Variants in DCLK1 observed in about 807,000 individuals in gnomAD.
DCLK1 encodes the protein serine/threonine-protein kinase DCLK1.
DCLK1 carries 16 observed loss-of-function variants against 86.2 expected under a neutral mutation model. The ratio of observed to expected loss-of-function variants is 0.19; its 90% CI spans 0.13 to 0.28. DCLK1 has a LOEUF of 0.28. Ranked by LOEUF, DCLK1 falls within the 10% of genes least tolerant of loss-of-function variation. DCLK1 has a pLI of 1.00. For synonymous variants in DCLK1, 369 were observed against 370.5 expected (o/e 1.00, Z 0.05); for missense variants, 590 against 940.2 (o/e 0.63, Z 4.87).
At position 35,871,462 on chromosome 13, in the gene DCLK1, C is replaced by T. The variant is rs1222197557; in HGVS notation, c.824-122G>A. ...CATCCTCAGTCACATCTACTTCCCA[C>T]CAGCTGGGTTCTTGTCTATGTCAAT... On this transcript the variant is annotated intron_variant, in intron 4 of 16. Coordinates refer to ENST00000360631, the MANE Select transcript of DCLK1 (RefSeq NM_001330071.2). 38 of 802,854 alleles carry T rather than the reference C, an allele frequency of 4.7e-5. No homozygotes were observed. In the Middle Eastern group the frequency reaches 9.5e-4, roughly 20 times the overall value. 49.7% of individuals were successfully genotyped at this position (802,854 alleles called of 1,614,324 possible). A position where few individuals can be genotyped will look rare whatever the true frequency, so the allele number is the denominator to read the frequency against.
chr13:35,860,507 C>A (rs1248597472), intron 5 of DCLK1, among the ~76,000 whole-genome samples: 1 of 151,974 alleles, frequency 6.6e-6, no homozygotes, highest in Admixed American at 6.6e-5. Flanking sequence ...TTCAAAGAAA[C>A]CATCTACTGA....
intron 12 of DCLK1, among the ~76,000 whole-genome samples, chr13:35,809,830 G>T (rs1024129246): frequency 6.6e-6 from 1 of 152,086 alleles, no homozygotes; most frequent in Non-Finnish European, 1.5e-5. Flanking sequence ...TTTCCCTATT[G>T]GGATTCCCTT....
chr13:35,915,882 T>A (rs1190345790), intron 4 of DCLK1, among the ~76,000 whole-genome samples: 1 of 152,206 alleles, frequency 6.6e-6, no homozygotes, highest in African/African-American at 2.4e-5. Context: ...AAATAAAAAG[T>A]GAGGCAGCTT....
intron 11 of DCLK1, 119 bp downstream of exon 11, chr13:35,822,610 A>G (rs2087422356): frequency 7.0e-7 from 1 of 1,427,236 alleles, no homozygotes; most frequent in African/African-American, 1.4e-5. Context: ...CTGAAGGCTA[A>G]CTGGAAATTA....
intron 11 of DCLK1, among the ~76,000 whole-genome samples, chr13:35,812,729 A>G (rs2087174394): frequency 6.6e-6 from 1 of 152,250 alleles, no homozygotes; most frequent in South Asian, 2.1e-4. Flanking sequence ...ATGGAGTCTT[A>G]TTCCCAGGAG....
chr13:36,043,025 T>C lies in DCLK1; in HGVS notation c.723+68844A>G, dbSNP rs113992165. On this transcript the variant is annotated intron_variant, in intron 3 of 16. Coordinates refer to ENST00000360631, the MANE Select transcript of DCLK1 (RefSeq NM_001330071.2). ...TGGAGTAACATCACTGCACTTAATATTTAGAGGGAAAAAAAGTTTGTTTTA... is the reference window on the plus strand; with the variant it reads ...TGGAGTAACATCACTGCACTTAATACTTAGAGGGAAAAAAAGTTTGTTTTA... Among the ~76,000 whole-genome samples the C allele has an allele frequency of 3.3e-3, 503 of 152,202 alleles. 2 individuals carry two copies. Among genetic ancestry groups the C allele is most frequent in the African/African-American group, 0.011 (468 of 41,538 alleles).
At chr13:35,952,909 C>T (rs150387683) in intron 3 of DCLK1, among the ~76,000 whole-genome samples, 127 of 152,238 alleles carry the variant, frequency 8.3e-4, no homozygotes, top group Non-Finnish European at 1.5e-3. Flanking sequence ...AGTCCTTGAA[C>T]GAGGGTCAGG....
At chr13:36,004,420 T>C (rs1374946999) in intron 3 of DCLK1, among the ~76,000 whole-genome samples, 11 of 151,914 alleles carry the variant, frequency 7.2e-5, no homozygotes. Flanking sequence ...TAGTGGGGGC[T>C]CAATAAATAT....
At chr13:35,925,257 C>T (rs1174966688) in intron 4 of DCLK1, among the ~76,000 whole-genome samples, 4 of 152,198 alleles carry the variant, frequency 2.6e-5, no homozygotes, top group South Asian at 2.1e-4. Context: ...CTACCTGCTA[C>T]GGGCATCTTG....
intron 6 of DCLK1, chr13:35,850,724 A>G (rs1870557516): frequency 1.9e-6 from 3 of 1,601,292 alleles, no homozygotes; most frequent in Non-Finnish European, 2.6e-6. Flanking sequence ...TTTCTTTTAC[A>G]CTGAGTCTCC....
chr13:35,990,750 C>T (rs1880184040), intron 3 of DCLK1, among the ~76,000 whole-genome samples: 1 of 151,856 alleles, frequency 6.6e-6, no homozygotes, highest in Non-Finnish European at 1.5e-5. Context: ...CCAAGCAAGA[C>T]TTAAAATGTT....
At chr13:36,056,620 A>T (rs1159727155) in intron 3 of DCLK1, among the ~76,000 whole-genome samples, 5 of 26,118 alleles carry the variant, frequency 1.9e-4, no homozygotes, top group Admixed American at 7.9e-4. Flanking sequence ...GTATAATTTA[A>T]AAAAAAAAAA....
intron 3 of DCLK1, among the ~76,000 whole-genome samples, chr13:36,045,473 A>T (rs1427510855): frequency 5.3e-5 from 8 of 150,846 alleles, no homozygotes; most frequent in African/African-American, 1.9e-4. Flanking sequence ...CAAAAAAATC[A>T]AGCAAATTAT....
At chr13:36,095,443 C>T (rs913421977) in intron 3 of DCLK1, among the ~76,000 whole-genome samples, 2 of 151,912 alleles carry the variant, frequency 1.3e-5, no homozygotes, top group African/African-American at 4.8e-5. Context: ...TGAGCTCAGG[C>T]AATCCGCCCG....
chr13:35,777,993 G>A (rs1242249645), intron 16 of DCLK1, among the ~76,000 whole-genome samples: 10 of 152,174 alleles, frequency 6.6e-5, no homozygotes, highest in Admixed American at 4.6e-4. Context: ...AAGGTCAAGC[G>A]TTGGACATCG....
intron 8 of DCLK1, 116 bp downstream of exon 8, chr13:35,835,917 G>A: frequency 7.9e-6 from 6 of 761,568 alleles, no homozygotes; most frequent in Non-Finnish European, 1.2e-5. Flanking sequence ...TTGCATTTGG[G>A]GTTGAGACAT....
intron 4 of DCLK1, among the ~76,000 whole-genome samples, chr13:35,912,972 G>A (rs1875136920): frequency 6.6e-6 from 1 of 152,208 alleles, no homozygotes; most frequent in Non-Finnish European, 1.5e-5. Flanking sequence ...GCCGGATCCT[G>A]CCCTTGCTCA....
chr13:36,101,312 G>A (rs7994985), intron 3 of DCLK1, among the ~76,000 whole-genome samples: 16,369 of 152,160 alleles, frequency 0.11, 1,369 homozygotes, highest in African/African-American at 0.23. Flanking sequence ...CACCCTCCAC[G>A]TGAGGCAGCC....
intron 4 of DCLK1, among the ~76,000 whole-genome samples, chr13:35,935,463 G>T: frequency 6.6e-6 from 1 of 152,156 alleles, no homozygotes; most frequent in East Asian, 1.9e-4. Context: ...GGACAGATGG[G>T]CTATGGGGAG....
Sources: allele counts gnomAD v4.1 joint callset (sites outside exome capture counted in the v4.1 genomes callset), GRCh38; gene constraint gnomAD v4.1.1; transcripts MANE v1.5; gene names NCBI Gene and HGNC (gene_info 2026-07-23, HGNC 2026-07-21).